Variants in SIM1 observed in about 807,000 individuals in gnomAD.
SIM1 encodes the protein single-minded homolog 1.
In SIM1, 18 loss-of-function variants were observed where a neutral mutation model predicts 78.2. The ratio of observed to expected loss-of-function variants is 0.23; its 90% CI spans 0.16 to 0.34. SIM1 has a LOEUF of 0.34. SIM1 is among the 10% of genes least tolerant of loss of function. The probability of loss-of-function intolerance (pLI) is 1.00; values close to 1 mark genes in which losing one functional copy is unlikely to be tolerated. For missense variants in SIM1, 939 were observed against 975.1 expected, an observed-to-expected ratio of 0.96 and a Z score of 0.49; for synonymous variants, 417 against 385.2, an observed-to-expected ratio of 1.08 and a Z score of -0.97.
At chr6:100,413,170 C>T (rs146503934) in intron 10 of SIM1, among the ~76,000 whole-genome samples, 87 of 152,310 alleles carry the variant, frequency 5.7e-4, no homozygotes, top group African/African-American at 2.0e-3. Context: ...TTTTAATCTT[C>T]CCCATTGAAT....
intron 9 of SIM1, among the ~76,000 whole-genome samples, chr6:100,445,894 T>G (rs1262642958): frequency 1.3e-5 from 2 of 152,250 alleles, no homozygotes; most frequent in Non-Finnish European, 2.9e-5. Flanking sequence ...CTCTTGCATT[T>G]ATTTTAATAA....
At chr6:100,416,145 T>G (rs941339845) in intron 10 of SIM1, among the ~76,000 whole-genome samples, 2 of 152,156 alleles carry the variant, frequency 1.3e-5, no homozygotes, top group Non-Finnish European at 2.9e-5. Flanking sequence ...TAAGACAGTG[T>G]GGCTCTGACC....
rs748618594 is a variant in SIM1, at chr6:100,390,960, T to C, written c.1702A>G (p.Ile568Val). 2 of 1,614,160 alleles carry C rather than the reference T, an allele frequency of 1.2e-6. No homozygotes were observed. Among genetic ancestry groups the C allele is most frequent in the South Asian group, 1.1e-5 (1 of 91,086 alleles). ...TTAATCATTTGCTGAGTGGCTCTTA[T>C]AAGAGTTTCAATTTTGCTGGGTTCA... ...PHEPSKIETL[I>V]RATQQMIKEE... is the part of the protein sequence containing the mutation. Residue 568 changes from isoleucine to valine, a missense_variant, in exon 12 of 12, where the codon ATA becomes GTA. Physicochemically the swap from Ile to Val is conservative, Grantham distance 29. Transcript: ENST00000369208.
At position 100,390,707 on chromosome 6, in the gene SIM1, G is replaced by A; in HGVS notation, c.1955C>T (p.Pro652Leu). 3.1e-6 allele frequency: 5 copies of A among 1,614,078 alleles called. No individual in the cohort carries two copies. The highest frequency in any genetic ancestry group is 1.3e-5 in the African/African-American group (1 of 75,002). Residue 652 changes from proline to leucine, a missense_variant, in exon 12 of 12, where the codon CCC becomes CTC. Physicochemically the swap from Pro to Leu is moderately conservative, Grantham distance 98. Coordinates refer to ENST00000369208, the MANE Select transcript of SIM1 (RefSeq NM_005068.3). ...SPHENDYDNS[P>L]TALSRISSPN... ...ACTACTTATCCGAGATAGTGCGGTGGGACTGTTGTCATAGTCATTTTCATG... is the reference window on the plus strand; with the variant it reads ...ACTACTTATCCGAGATAGTGCGGTGAGACTGTTGTCATAGTCATTTTCATG...
At chr6:100,454,673 C>T (rs1306684547) in intron 2 of SIM1, among the ~76,000 whole-genome samples, 1 of 152,178 alleles carries the variant, frequency 6.6e-6, no homozygotes, top group Non-Finnish European at 1.5e-5. Context: ...CCCTCTCTTT[C>T]TCTCCTTGGT....
chr6:100,452,052 A>G (rs1486141197), intron 3 of SIM1, among the ~76,000 whole-genome samples: 1 of 152,224 alleles, frequency 6.6e-6, no homozygotes, highest in African/African-American at 2.4e-5. Flanking sequence ...CCTAGGGGAC[A>G]TTACAGCATT....
intron 9 of SIM1, among the ~76,000 whole-genome samples, chr6:100,441,756 G>A (rs1772222981): frequency 6.6e-6 from 1 of 152,162 alleles, no homozygotes; most frequent in Non-Finnish European, 1.5e-5. Flanking sequence ...AGATAGAACA[G>A]CTAAATTTTA....
intron 9 of SIM1, among the ~76,000 whole-genome samples, chr6:100,445,708 A>G (rs1772335543): frequency 6.6e-6 from 1 of 152,176 alleles, no homozygotes; most frequent in Non-Finnish European, 1.5e-5. Context: ...ATTACTAACC[A>G]CAGGCACCCA....
At chr6:100,439,562 T>A (rs1400054944) in intron 9 of SIM1, among the ~76,000 whole-genome samples, 1 of 152,310 alleles carries the variant, frequency 6.6e-6, no homozygotes, top group East Asian at 1.9e-4. Context: ...ATCATTGCAA[T>A]CTGCTATACT....
intron 11 of SIM1, 62 bp downstream of exon 11, chr6:100,393,425 A>G (rs1019254772): frequency 7.2e-7 from 1 of 1,393,138 alleles, no homozygotes; most frequent in African/African-American, 1.5e-5. Context: ...TAGTGTCACA[A>G]TGTGATGAAC....
At chr6:100,446,482 A>G (rs1582315191) in intron 9 of SIM1, among the ~76,000 whole-genome samples, 2 of 152,214 alleles carry the variant, frequency 1.3e-5, no homozygotes, top group South Asian at 2.1e-4. Flanking sequence ...AAGCAATTCA[A>G]CTTCCACAAA....
At chr6:100,452,517 C>T (rs1039423610) in intron 3 of SIM1, among the ~76,000 whole-genome samples, 2 of 152,070 alleles carry the variant, frequency 1.3e-5, no homozygotes, top group African/African-American at 2.4e-5. Flanking sequence ...GGAGAGATGC[C>T]AGACTGCAGG....
chr6:100,399,284 T>C (rs1010078120), intron 10 of SIM1, among the ~76,000 whole-genome samples: 2 of 152,070 alleles, frequency 1.3e-5, no homozygotes, highest in African/African-American at 2.4e-5. Flanking sequence ...GAATGAACCA[T>C]TGATACATGC....
Position 100,463,538 on chromosome 6 carries a change from T to C in SIM1, c.-70A>G, listed in dbSNP as rs532207965. 1.5e-5 allele frequency: 21 copies of C among 1,410,156 alleles called. 1 individual carries two copies. In the East Asian group the frequency reaches 3.0e-4, roughly 20 times the overall value. 87.4% of individuals were successfully genotyped at this position (1,410,156 alleles called of 1,614,324 possible). On this transcript the variant is annotated 5_prime_UTR_variant, in exon 2 of 12. The change abolishes the stop of an existing upstream ORF in the 5' untranslated region. Coordinates refer to ENST00000369208, the MANE Select transcript of SIM1 (RefSeq NM_005068.3). Reference sequence around the variant, plus strand: ...TTCATCCAAAACCAAAAATAAACTTTCAATTAGAGATCATATTTGGCAAAA... The same window carrying C: ...TTCATCCAAAACCAAAAATAAACTTCCAATTAGAGATCATATTTGGCAAAA...
At chr6:100,431,392 G>A (rs188976679) in intron 9 of SIM1, among the ~76,000 whole-genome samples, 1 of 152,152 alleles carries the variant, frequency 6.6e-6, no homozygotes, top group East Asian at 1.9e-4. Flanking sequence ...CTACTGTAAT[G>A]CTTGGCTAAA....
At chr6:100,403,212 A>G (rs1290753148) in intron 10 of SIM1, among the ~76,000 whole-genome samples, 1 of 152,230 alleles carries the variant, frequency 6.6e-6, no homozygotes, top group Non-Finnish European at 1.5e-5. Flanking sequence ...TGTTCTCATG[A>G]AACACGCAAC....
chr6:100,453,079 C>A (rs1772555885), intron 3 of SIM1, among the ~76,000 whole-genome samples: 1 of 152,150 alleles, frequency 6.6e-6, no homozygotes, highest in Non-Finnish European at 1.5e-5. Context: ...CGGGGTTTTG[C>A]AATTTAAAAT....
chr6:100,429,683 C>T (rs1304885522), intron 9 of SIM1, among the ~76,000 whole-genome samples: 1 of 152,044 alleles, frequency 6.6e-6, no homozygotes, highest in East Asian at 1.9e-4. Flanking sequence ...AACATCTCTG[C>T]ATTACCTTAA....
At chr6:100,452,499 G>C (rs771699566) in intron 3 of SIM1, among the ~76,000 whole-genome samples, 1 of 152,192 alleles carries the variant, frequency 6.6e-6, no homozygotes, top group Admixed American at 6.5e-5. Context: ...TGAAGAGCAT[G>C]ATGGGTGGGA....
Sources: gnomAD v4.1 joint callset for allele counts (sites outside exome capture counted in the v4.1 genomes callset) on GRCh38, gnomAD v4.1.1 for gene constraint, MANE v1.5 for transcripts, NCBI Gene and HGNC (gene_info 2026-07-23, HGNC 2026-07-21) for gene names.